ANO2: variants seen among roughly 807,000 people sequenced by gnomAD.
ANO2 encodes the protein anoctamin 2, also known as anoctamin-2.
Under a neutral mutation model 124.2 loss-of-function variants are expected in ANO2, and 101 were observed. The ratio of observed to expected loss-of-function variants is 0.81; its 90% CI spans 0.69 to 0.96. The LOEUF (loss-of-function observed/expected upper bound fraction) is 0.96, where lower values mean the gene tolerates loss of function less well. Ranked by LOEUF, ANO2 falls within the 40% of genes least tolerant of loss-of-function variation. The pLI is 0.00. For missense variants in ANO2, 1,293 were observed against 1,274.5 expected, an observed-to-expected ratio of 1.01 and a Z score of -0.22; for synonymous variants, 486 against 482.5, an observed-to-expected ratio of 1.01 and a Z score of -0.09.
chr12:5,936,616 T>C (rs1328338349), intron 1 of ANO2, among the ~76,000 whole-genome samples: 1 of 152,234 alleles, frequency 6.6e-6, no homozygotes, highest in Non-Finnish European at 1.5e-5. Flanking sequence ...TTCTGTGCTT[T>C]ATAAACAAGC....
chr12:5,620,184 TAAGA>T (rs1281799317), intron 16 of ANO2, among the ~76,000 whole-genome samples: 4 of 152,254 alleles, frequency 2.6e-5, no homozygotes, highest in African/African-American at 9.6e-5. Context: ...TTTGGAGTTC[TAAGA>T]AAGACCTGCA....
intron 3 of ANO2, among the ~76,000 whole-genome samples, chr12:5,917,886 T>C (rs1941475620): frequency 6.6e-6 from 1 of 152,126 alleles, no homozygotes; most frequent in Non-Finnish European, 1.5e-5. Flanking sequence ...TTCCTTTTTA[T>C]AGACCAGGAA....
At chr12:5,649,017 T>C (rs1240967570) in intron 14 of ANO2, among the ~76,000 whole-genome samples, 1 of 152,204 alleles carries the variant, frequency 6.6e-6, no homozygotes, top group East Asian at 1.9e-4. Flanking sequence ...TGGGGCCCAC[T>C]GTGCATTGAT....
chr12:5,901,554 C>T lies in ANO2; in HGVS notation c.534+19486G>A, dbSNP rs1591764395. On this transcript the variant is annotated intron_variant, in intron 3 of 24. Coordinates refer to ENST00000682330, the MANE Select transcript of ANO2 (RefSeq NM_001364791.2). Reference sequence around the variant, plus strand: ...AAGGACCCTGACATGCACAGCCTGTCCAGAGCTGGGGGCATGGATGAGGTG... The same window carrying T: ...AAGGACCCTGACATGCACAGCCTGTTCAGAGCTGGGGGCATGGATGAGGTG... Among the ~76,000 whole-genome samples the T allele has an allele frequency of 2.6e-5, 4 of 152,310 alleles. No individual in the cohort carries two copies. In the South Asian group the frequency reaches 8.3e-4, roughly 32 times the overall value.
chr12:5,737,912 C>G (rs1356264891), intron 13 of ANO2, among the ~76,000 whole-genome samples: 1 of 152,200 alleles, frequency 6.6e-6, no homozygotes, highest in Non-Finnish European at 1.5e-5. Context: ...TGTATATTCT[C>G]TCTTTCACCA....
At chr12:5,808,877 T>A (rs926015946) in intron 7 of ANO2, among the ~76,000 whole-genome samples, 1 of 152,070 alleles carries the variant, frequency 6.6e-6, no homozygotes, top group African/African-American at 2.4e-5. Context: ...CTCGCCCCCA[T>A]TTGCCACAGT....
At chr12:5,792,099 C>T (rs1419058882) in intron 10 of ANO2, among the ~76,000 whole-genome samples, 5 of 152,210 alleles carry the variant, frequency 3.3e-5, no homozygotes, top group African/African-American at 1.2e-4. Flanking sequence ...AGCACAGGTG[C>T]TATCACCCCT....
intron 3 of ANO2, among the ~76,000 whole-genome samples, chr12:5,886,608 A>C (rs1273007699): frequency 6.6e-6 from 1 of 152,240 alleles, no homozygotes; most frequent in Non-Finnish European, 1.5e-5. Context: ...GAATTAAAAA[A>C]TAGAGGGACA....
At chr12:5,871,973 C>T (rs1049927928) in intron 3 of ANO2, among the ~76,000 whole-genome samples, 4 of 152,184 alleles carry the variant, frequency 2.6e-5, no homozygotes, top group African/African-American at 9.7e-5. Context: ...ATGAATGTTT[C>T]TGAGACCAGA....
At chr12:5,746,930 T>C (rs1003514131) in intron 11 of ANO2, among the ~76,000 whole-genome samples, 7 of 152,208 alleles carry the variant, frequency 4.6e-5, no homozygotes, top group African/African-American at 1.7e-4. Flanking sequence ...CCTTGGTGAG[T>C]AGAGACAGGG....
intron 14 of ANO2, among the ~76,000 whole-genome samples, chr12:5,679,456 C>T (rs570355168): frequency 5.9e-5 from 9 of 152,064 alleles, no homozygotes; most frequent in Non-Finnish European, 1.2e-4. Flanking sequence ...AAACAAACAA[C>T]CCCATTAAAA....
At chr12:5,867,925 G>A (rs1332808021) in intron 3 of ANO2, among the ~76,000 whole-genome samples, 1 of 152,134 alleles carries the variant, frequency 6.6e-6, no homozygotes, top group African/African-American at 2.4e-5. Flanking sequence ...AGGACAGTAG[G>A]GGAGTGGGCA....
intron 10 of ANO2, among the ~76,000 whole-genome samples, chr12:5,766,712 A>G (rs1201138311): frequency 6.6e-6 from 1 of 152,232 alleles, no homozygotes; most frequent in Admixed American, 6.5e-5. Context: ...AAGAGGCAGC[A>G]TAGTCACATA....
intron 19 of ANO2, among the ~76,000 whole-genome samples, chr12:5,602,806 A>G (rs1225840582): frequency 6.6e-6 from 1 of 152,162 alleles, no homozygotes; most frequent in Admixed American, 6.5e-5. Context: ...TCTACAAATA[A>G]TTGGGAATCA....
intron 14 of ANO2, among the ~76,000 whole-genome samples, chr12:5,670,152 T>G (rs1441264991): frequency 6.6e-6 from 1 of 152,212 alleles, no homozygotes; most frequent in African/African-American, 2.4e-5. Flanking sequence ...TGTGGCTGCA[T>G]GATCTTAGGC....
intron 1 of ANO2, 95 bp downstream of exon 1, chr12:5,945,101 A>C: frequency 8.4e-7 from 1 of 1,184,918 alleles, no homozygotes; most frequent in Middle Eastern, 2.2e-4. Context: ...GGGGGTCCCC[A>C]ATCCCGAAGG....
At chr12:5,771,623 T>C (rs750886295) in intron 10 of ANO2, among the ~76,000 whole-genome samples, 1 of 151,946 alleles carries the variant, frequency 6.6e-6, no homozygotes. Flanking sequence ...CTACTAAAAA[T>C]ACAAAAATTA....
At chr12:5,835,089 G>A (rs555185317) in intron 4 of ANO2, among the ~76,000 whole-genome samples, 6 of 152,086 alleles carry the variant, frequency 3.9e-5, no homozygotes, top group African/African-American at 1.4e-4. Flanking sequence ...ATCTTGTTTT[G>A]GTTCATATTT....
At chr12:5,678,579 G>A (rs562471152) in intron 14 of ANO2, among the ~76,000 whole-genome samples, 4 of 152,204 alleles carry the variant, frequency 2.6e-5, no homozygotes, top group African/African-American at 4.8e-5. Flanking sequence ...TTACTGGAAC[G>A]CATTTCTGAG....
Sources: gnomAD v4.1 joint callset for allele counts (sites outside exome capture counted in the v4.1 genomes callset) on GRCh38, gnomAD v4.1.1 for gene constraint, MANE v1.5 for transcripts, NCBI Gene and HGNC (gene_info 2026-07-23, HGNC 2026-07-21) for gene names.